ACVR1: variants seen among roughly 807,000 people sequenced by gnomAD.
The protein encoded by ACVR1 is activin A receptor type 1.
Under a neutral mutation model 57.1 loss-of-function variants are expected in ACVR1, and 38 were observed. That is an observed-to-expected ratio of 0.67 (90% CI 0.51 to 0.87). The LOEUF (loss-of-function observed/expected upper bound fraction) is 0.87, where lower values mean the gene tolerates loss of function less well. Among genes scored for constraint, ACVR1 ranks in the 40% least tolerant of loss-of-function variants. ACVR1 has a pLI of 0.00. For synonymous variants in ACVR1, 212 were observed against 228.1 expected (o/e 0.93, Z 0.63); for missense variants, 463 against 638.2 (o/e 0.73, Z 2.96).
intron 9 of ACVR1, among the ~76,000 whole-genome samples, chr2:157,745,414 G>A (rs1684929930): frequency 6.6e-6 from 1 of 152,188 alleles, no homozygotes; most frequent in South Asian, 2.1e-4. Flanking sequence ...ACAAGGTTTA[G>A]GATACAGATA....
At chr2:157,815,155 A>G (rs1336191800) in intron 2 of ACVR1, among the ~76,000 whole-genome samples, 1 of 152,228 alleles carries the variant, frequency 6.6e-6, no homozygotes, top group East Asian at 1.9e-4. Context: ...TATTATTTCA[A>G]TAAGAAAACG....
chr2:157,841,884 G>T (rs1175366110), intron 1 of ACVR1, among the ~76,000 whole-genome samples: 1 of 151,874 alleles, frequency 6.6e-6, no homozygotes, highest in African/African-American at 2.4e-5. Context: ...AAAATTAGCT[G>T]GGCGTTGTGG....
At chr2:157,863,867 C>CTT (rs56669677) in intron 1 of ACVR1, among the ~76,000 whole-genome samples, 37 of 129,044 alleles carry the variant, frequency 2.9e-4, no homozygotes, top group East Asian at 4.4e-4. Context: ...GGAGCAAATT[C>CTT]TTTTTTTTTT....
intron 8 of ACVR1, among the ~76,000 whole-genome samples, chr2:157,761,978 C>T (rs1330978191): frequency 6.6e-6 from 1 of 152,202 alleles, no homozygotes; most frequent in Non-Finnish European, 1.5e-5. Flanking sequence ...CCTTCCACTC[C>T]ACGGCTTTGA....
intron 9 of ACVR1, among the ~76,000 whole-genome samples, chr2:157,754,737 G>T (rs1477715572): frequency 6.6e-6 from 1 of 152,028 alleles, no homozygotes; most frequent in Non-Finnish European, 1.5e-5. Context: ...GAGAAAGAGG[G>T]AATCTTCCCT....
At chr2:157,776,933 GT>G (rs1686311833) in intron 5 of ACVR1, among the ~76,000 whole-genome samples, 1 of 152,236 alleles carries the variant, frequency 6.6e-6, no homozygotes, top group South Asian at 2.1e-4. Flanking sequence ...TACTTTGATT[GT>G]CTTTCAATTA....
At chr2:157,755,497 C>A (rs1245464931) in intron 9 of ACVR1, among the ~76,000 whole-genome samples, 1 of 151,890 alleles carries the variant, frequency 6.6e-6, no homozygotes. Flanking sequence ...ATCAAGAACT[C>A]AATCCCTTTT....
At chr2:157,745,278 G>T (rs1010873166) in intron 9 of ACVR1, among the ~76,000 whole-genome samples, 1 of 152,142 alleles carries the variant, frequency 6.6e-6, no homozygotes, top group African/African-American at 2.4e-5. Context: ...GAACAAGACA[G>T]CCTTAGAGCT....
intron 2 of ACVR1, among the ~76,000 whole-genome samples, chr2:157,802,548 TTCTG>T (rs1278484179): frequency 1.3e-5 from 2 of 152,096 alleles, no homozygotes; most frequent in Non-Finnish European, 2.9e-5. Flanking sequence ...ACCAGCCACT[TTCTG>T]TCTATCTCTG....
intron 1 of ACVR1, among the ~76,000 whole-genome samples, chr2:157,856,242 C>T (rs1438383830): frequency 6.6e-6 from 1 of 152,194 alleles, no homozygotes; most frequent in African/African-American, 2.4e-5. Context: ...TTACTCCAAT[C>T]TCATCCTCAT....
chr2:157,753,926 A>C (rs1158294548), intron 9 of ACVR1, among the ~76,000 whole-genome samples: 1 of 152,216 alleles, frequency 6.6e-6, no homozygotes, highest in Non-Finnish European at 1.5e-5. Flanking sequence ...GACCACAGTG[A>C]AATAAAATTG....
At chr2:157,815,506 C>A (rs555115139) in intron 2 of ACVR1, among the ~76,000 whole-genome samples, 1 of 152,176 alleles carries the variant, frequency 6.6e-6, no homozygotes, top group Non-Finnish European at 1.5e-5. Context: ...CTGTTAACCA[C>A]ATTAGGAAAC....
In ACVR1 at chr2:157,737,659, T is replaced by A. The variant is rs751515337; in HGVS notation, c.1402A>T (p.Thr468Ser). The A allele has an allele frequency of 9.9e-6, 16 of 1,613,802 alleles. No individual in the cohort carries two copies. The South Asian group carries it at 1.6e-4, about 17-fold the overall frequency. ...TCTTTCATTAGCTTGGCCAGAGAGG[T>A]TAATGTCTGAGGAGAGAAAGAACAA... ...PNRWFSDPTL[T>S]SLAKLMKECW... Residue 468 changes from threonine (T) to serine (S), a missense_variant, in exon 11 of 11, where the codon ACC (threonine) becomes TCC (serine). By Grantham distance (58) the Thr-to-Ser change is moderately conservative. This residue lies in a region of ACVR1 where 146 missense variants were observed against 186.6 expected (regional missense o/e 0.78). Coordinates refer to ENST00000434821, the MANE Select transcript of ACVR1 (RefSeq NM_001111067.4).
chr2:157,849,944 C>T (rs1414596154), intron 1 of ACVR1, among the ~76,000 whole-genome samples: 2 of 152,114 alleles, frequency 1.3e-5, no homozygotes, highest in Admixed American at 6.6e-5. Flanking sequence ...TAGTAGCTAC[C>T]TTACTGGACA....
rs1256476437 is a variant in ACVR1 at position 157,737,611 on chromosome 2, C to T, written c.1450G>A (p.Ala484Thr). The change falls in exon 11 of 11, where the codon GCA (alanine) becomes ACA (threonine). Residue 484 changes from alanine to threonine, a missense_variant. Physicochemically the swap from Ala to Thr is moderately conservative, Grantham distance 58 (BLOSUM62 0). Transcript: ENST00000434821. The stretch of plus-strand genomic sequence containing the variant: ...TTGATACGCAGTGCTGTGAGTCTTG[C>T]GGATGGATTTTGATACCAGCATTCT... ...MKECWYQNPS[A>T]RLTALRIKKT... 8.1e-6 allele frequency: 13 copies of T among 1,613,916 alleles called. No homozygotes were observed. Among genetic ancestry groups the T allele is most frequent in the African/African-American group, 1.3e-5 (1 of 74,898 alleles).
intron 2 of ACVR1, among the ~76,000 whole-genome samples, chr2:157,816,688 CAG>C (rs1328496346): frequency 2.6e-5 from 4 of 152,122 alleles, no homozygotes; most frequent in Non-Finnish European, 5.9e-5. Flanking sequence ...ACAGCCACAT[CAG>C]AGACTTTCCT....
chr2:157,825,248 C>A (rs1422618359), intron 1 of ACVR1, among the ~76,000 whole-genome samples: 1 of 152,180 alleles, frequency 6.6e-6, no homozygotes, highest in African/African-American at 2.4e-5. Flanking sequence ...TCAATATAGA[C>A]ATCCAATGGA....
At chr2:157,806,928 T>C (rs903159233) in intron 2 of ACVR1, 9 of 152,224 alleles carry the variant, frequency 5.9e-5, no homozygotes, top group Non-Finnish European at 1.2e-4. Context: ...TCTTTCATGA[T>C]AGATGAATAC....
chr2:157,828,987 C>T lies in ACVR1; in HGVS notation c.-182-10428G>A, dbSNP rs182926700. Among the ~76,000 whole-genome samples, 661 of 152,170 alleles carry T rather than the reference C, an allele frequency of 4.3e-3. 3 individuals carry two copies. The highest frequency in any genetic ancestry group is 0.014 in the African/African-American group (582 of 41,530). On this transcript the variant is annotated intron_variant, in intron 1 of 10. Coordinates refer to ENST00000434821, the MANE Select transcript of ACVR1 (RefSeq NM_001111067.4). Reference sequence around the variant, plus strand: ...TTCCCCATGTTGGCCAGGCTGGTCTCGAACTCCTGACCTCAAGTGATCCAC... The same window carrying T: ...TTCCCCATGTTGGCCAGGCTGGTCTTGAACTCCTGACCTCAAGTGATCCAC...
Sources: allele counts gnomAD v4.1 joint callset (sites outside exome capture counted in the v4.1 genomes callset), GRCh38; gene constraint gnomAD v4.1.1; regional missense constraint gnomAD v4.1.1; transcripts MANE v1.5; gene names NCBI Gene and HGNC (gene_info 2026-07-23, HGNC 2026-07-21).